Variants in TAAR5 observed in about 807,000 individuals in gnomAD.
TAAR5 encodes the protein trace amine-associated receptor 5.
In TAAR5, 27 loss-of-function variants were observed where a neutral mutation model predicts 21.1. The ratio of observed to expected loss-of-function variants is 1.28; its 90% confidence interval spans 0.94 to 1.76. The LOEUF (loss-of-function observed/expected upper bound fraction) is 1.76. Among genes scored for constraint, TAAR5 ranks in the 40% most tolerant of loss-of-function variants. The pLI, the probability that TAAR5 is intolerant of heterozygous loss-of-function variation, is 0.00. For missense variants in TAAR5, 495 were observed against 405.6 expected (o/e 1.22, Z -1.89); for synonymous variants, 203 against 167.5 (o/e 1.21, Z -1.64).
chr6:132,603,302 CAAAAAA>C, the TAAR5 span, among the ~76,000 whole-genome samples: 1 of 99,256 alleles, frequency 1.0e-5, no homozygotes, highest in Admixed American at 1.2e-4. Flanking sequence ...GACCCTATCT[CAAAAAA>C]AAAAAAAAAA....
the TAAR5 span, chr6:132,608,940 C>T: frequency 2.2e-6 from 1 of 455,932 alleles, no homozygotes; most frequent in Non-Finnish European, 4.4e-6. Flanking sequence ...TCAGTCTGAG[C>T]ATCATGTCAA....
At chr6:132,596,367 T>G in the TAAR5 span, among the ~76,000 whole-genome samples, 217 of 152,296 alleles carry the variant, frequency 1.4e-3, 1 homozygote, top group Non-Finnish European at 1.7e-3. Flanking sequence ...CGGAGCTGGA[T>G]GTGTAATTCT....
upstream of TAAR5, among the ~76,000 whole-genome samples, chr6:132,592,018 A>G (rs1391160529): frequency 6.6e-6 from 1 of 152,188 alleles, no homozygotes; most frequent in Non-Finnish European, 1.5e-5. Context: ...AACCTTCCCA[A>G]GTTAGGGCTC....
chr6:132,590,150 C>G (rs758933514), upstream of TAAR5, among the ~76,000 whole-genome samples: 5 of 152,160 alleles, frequency 3.3e-5, no homozygotes, highest in Non-Finnish European at 5.9e-5. Context: ...CCAATTAATT[C>G]TTGTTAATAA....
the TAAR5 span, among the ~76,000 whole-genome samples, chr6:132,598,694 G>A: frequency 9.4e-3 from 1,427 of 152,206 alleles, 23 homozygotes; most frequent in African/African-American, 0.033. Context: ...CACAACCTTC[G>A]GTGTGCTGCC....
chr6:132,591,115 C>T (rs994634814), upstream of TAAR5, among the ~76,000 whole-genome samples: 11 of 152,138 alleles, frequency 7.2e-5, no homozygotes, highest in Non-Finnish European at 1.5e-4. Flanking sequence ...CCTGTTTCAT[C>T]CTTTCTTATG....
At position 132,589,527 on chromosome 6, in the gene TAAR5, A is replaced by C; in HGVS notation, c.160T>G (p.Phe54Val). The change falls in exon 1 of 1, where the codon TTT becomes GTT. Residue 54 changes from phenylalanine (F) to valine (V), a missense_variant. Phe to Val is a conservative substitution (Grantham distance 50). Coordinates refer to ENST00000258034, the MANE Select transcript of TAAR5 (RefSeq NM_003967.3). Reference protein sequence around the residue: ...GMLIIVLGNVFVAFAVSYFKA... With the variant: ...GMLIIVLGNVVVAFAVSYFKA... ...AAGTAGGACACAGCAAATGCCACAA[A>C]TACATTCCCTAGCACGATAATCAGC... The C allele has an allele frequency of 6.2e-7, 1 of 1,614,010 alleles. No individual in the cohort carries two copies. The highest frequency in any genetic ancestry group is 8.5e-7 in the Non-Finnish European group (1 of 1,179,984).
the TAAR5 span, among the ~76,000 whole-genome samples, chr6:132,605,476 G>C: frequency 0.56 from 85,758 of 152,026 alleles, 25,854 homozygotes; most frequent in African/African-American, 0.8. Context: ...CTAGGTAGAT[G>C]TATATCTACA....
rs201738989 is a variant in TAAR5, at chr6:132,588,726, T to A, written c.961A>T (p.Ser321Cys). 62 of 1,614,008 alleles carry A rather than the reference T, an allele frequency of 3.8e-5. No homozygotes were observed. In the East Asian group the frequency reaches 6.7e-4, roughly 17 times the overall value. The change falls in exon 1 of 1, where the codon AGC becomes TGC. Residue 321 changes from serine (S) to cysteine (C), a missense_variant. Physicochemically the swap from Ser to Cys is moderately radical, Grantham distance 112 (BLOSUM62 -1). Coordinates refer to ENST00000258034, the MANE Select transcript of TAAR5 (RefSeq NM_003967.3). ...GTCTGCGGTGAGAAGACCTTCTGGC[T>A]CAGTGTGAGTTTCAGTGCCTTCCGA... Reference protein sequence around the residue: ...WFRKALKLTLSQKVFSPQTRT... With the variant: ...WFRKALKLTLCQKVFSPQTRT...
the TAAR5 span, among the ~76,000 whole-genome samples, chr6:132,614,241 A>C: frequency 6.6e-5 from 10 of 152,218 alleles, no homozygotes; most frequent in Non-Finnish European, 1.5e-4. Flanking sequence ...CCAAAGAGGA[A>C]AGTGCATTTT....
chr6:132,589,421 G>T lies in TAAR5; in HGVS notation c.266C>A (p.Pro89His). The T allele has an allele frequency of 6.2e-7, 1 of 1,613,938 alleles. No individual in the cohort carries two copies. The highest frequency in any genetic ancestry group is 8.5e-7 in the Non-Finnish European group (1 of 1,179,844). Residue 89 changes from proline (P) to histidine (H), a missense_variant, in exon 1 of 1, where the codon CCC becomes CAC. Physicochemically the swap from Pro to His is moderately conservative, Grantham distance 77 (BLOSUM62 -2). Transcript: ENST00000258034. The stretch of plus-strand genomic sequence containing the variant: ...CTCCACTGAGCGAATGGTGCTGAGG[G>T]GCAGCACCAGCAGACCCAGAAACAT... The part of the protein sequence containing the change: ...ADMFLGLLVL[P>H]LSTIRSVESC...
upstream of TAAR5, among the ~76,000 whole-genome samples, chr6:132,593,239 T>C (rs1776931224): frequency 6.6e-6 from 1 of 152,180 alleles, no homozygotes; most frequent in South Asian, 2.1e-4. Context: ...CATGCTCTCA[T>C]GGCCTCTTGT....
chr6:132,608,236 A>G, the TAAR5 span: 14 of 409,748 alleles, frequency 3.4e-5, no homozygotes, highest in African/African-American at 2.9e-4. Flanking sequence ...CACTTTTGCA[A>G]CAGCTTTTTA....
chr6:132,612,725 T>C, the TAAR5 span, among the ~76,000 whole-genome samples: 10 of 152,186 alleles, frequency 6.6e-5, no homozygotes, highest in African/African-American at 2.4e-4. Flanking sequence ...ATGTAATGTT[T>C]GCACCTTATC....
chr6:132,609,785 A>G, the TAAR5 span, among the ~76,000 whole-genome samples: 1 of 152,236 alleles, frequency 6.6e-6, no homozygotes, highest in Admixed American at 6.5e-5. Flanking sequence ...CTTCATTTGT[A>G]AACAGTGTGC....
chr6:132,605,553 C>T, the TAAR5 span, among the ~76,000 whole-genome samples: 2 of 152,088 alleles, frequency 1.3e-5, no homozygotes, highest in African/African-American at 2.4e-5. Context: ...TGTACTGCTC[C>T]CTCCCCTCTT....
chr6:132,605,904 C>T, the TAAR5 span, among the ~76,000 whole-genome samples: 1 of 152,182 alleles, frequency 6.6e-6, no homozygotes, highest in Non-Finnish European at 1.5e-5. Flanking sequence ...GGTATATATA[C>T]ACCATGGAAG....
chr6:132,603,247 G>A, the TAAR5 span, among the ~76,000 whole-genome samples: 2 of 148,532 alleles, frequency 1.3e-5, no homozygotes, highest in Non-Finnish European at 3.0e-5. Flanking sequence ...AGGCTGTAGT[G>A]AGCCGTGATT....
At chr6:132,594,246 G>T (rs530384687), upstream of TAAR5, among the ~76,000 whole-genome samples, 5 of 152,260 alleles carry the variant, frequency 3.3e-5, no homozygotes, top group South Asian at 8.3e-4. Flanking sequence ...ATACCTGGAA[G>T]GCTCATCTAT....
Sources: allele counts gnomAD v4.1 joint callset (sites outside exome capture counted in the v4.1 genomes callset), GRCh38; gene constraint gnomAD v4.1.1; transcripts MANE v1.5; gene names NCBI Gene and HGNC (gene_info 2026-07-23, HGNC 2026-07-21).